UNC5B: variants seen among roughly 807,000 people sequenced by gnomAD.
UNC5B encodes netrin receptor UNC5B.
Under a neutral mutation model 103.7 loss-of-function variants are expected in UNC5B, and 56 were observed. That is an observed-to-expected ratio of 0.54 (90% CI 0.44 to 0.67). The LOEUF is 0.67. Ranked by LOEUF, UNC5B falls within the 30% of genes least tolerant of loss-of-function variation. The pLI, the probability that UNC5B is intolerant of heterozygous loss-of-function variation, is 0.00. For synonymous variants in UNC5B, 577 were observed against 542.0 expected, an observed-to-expected ratio of 1.06 and a Z score of -0.90; for missense variants, 1,194 against 1,284.5, an observed-to-expected ratio of 0.93 and a Z score of 1.08.
chr10:71,261,723 G>C (rs1844419968), intron 1 of UNC5B, among the ~76,000 whole-genome samples: 1 of 152,210 alleles, frequency 6.6e-6, no homozygotes, highest in African/African-American at 2.4e-5. Context: ...CCCTGTGCAG[G>C]CCTGGCTGGA....
In UNC5B at chr10:71,212,882, G is replaced by C. The variant is rs1564700817; in HGVS notation, c.-104G>C. ...ACGGGCTGGCGCTGCCGGGCGCCGG[G>C]GAGGACGGCGAGGAGGAGGCGGCGG... On this transcript the variant is annotated 5_prime_UTR_variant, in exon 1 of 17. Transcript: ENST00000335350. The C allele has an allele frequency of 2.1e-6, 2 of 970,120 alleles. No individual in the cohort carries two copies. The highest frequency in any genetic ancestry group is 2.7e-6 in the Non-Finnish European group (2 of 749,894). 60.1% of individuals were successfully genotyped at this position (970,120 alleles called of 1,614,324 possible). A position where few individuals can be genotyped will look rare whatever the true frequency, so the allele number is the denominator to read the frequency against.
chr10:71,254,399 G>A lies in UNC5B; in HGVS notation c.80-25422G>A, dbSNP rs545703518. Among the ~76,000 whole-genome samples the A allele has an allele frequency of 2.0e-4, 31 of 152,350 alleles. No homozygotes were observed. In the South Asian group the frequency reaches 6.2e-3, roughly 31 times the overall value. ...CATGGGTACCTGGCGTCCTGCTGTC[G>A]TGGGGGGCATAGGGCTGACAATGCC... On this transcript the variant is annotated intron_variant, in intron 1 of 16. Coordinates refer to ENST00000335350, the MANE Select transcript of UNC5B (RefSeq NM_170744.5).
chr10:71,297,957 G>T lies in UNC5B; in HGVS notation c.2539G>T (p.Val847Phe). ...DTLCSAPGSTVTTQLGPYAFK... is the reference protein window; with the variant it reads ...DTLCSAPGSTFTTQLGPYAFK... ...TCTCTGCTCTGCCCCTGGCAGCACT[G>T]TCACCACCCAGCTGGGACCTTATGC... is the stretch of plus-strand genomic sequence containing the variant. The change falls in exon 16 of 17, where the codon GTC becomes TTC. Residue 847 changes from valine (V) to phenylalanine (F), a missense_variant. By Grantham distance (50) the Val-to-Phe change is conservative (BLOSUM62 -1). Coordinates refer to ENST00000335350, the MANE Select transcript of UNC5B (RefSeq NM_170744.5). The T allele has an allele frequency of 6.2e-7, 1 of 1,613,888 alleles. No individual in the cohort carries two copies. Among genetic ancestry groups the T allele is most frequent in the Non-Finnish European group, 8.5e-7 (1 of 1,179,950 alleles).
At chr10:71,251,747 A>G (rs1844177863) in intron 1 of UNC5B, among the ~76,000 whole-genome samples, 2 of 152,356 alleles carry the variant, frequency 1.3e-5, no homozygotes, top group Middle Eastern at 6.8e-3. Context: ...GAATGAACCA[A>G]GATAATTCCT....
At chr10:71,284,541 A>G (rs753343526) in intron 2 of UNC5B, among the ~76,000 whole-genome samples, 179 bp from the exon 3 acceptor site, 3 of 152,208 alleles carry the variant, frequency 2.0e-5, no homozygotes, top group East Asian at 1.9e-4. Flanking sequence ...AGCCACTGCA[A>G]TGTGCAGGTG....
Position 71,299,784 on chromosome 10 carries a change from GGAAA to G in UNC5B, c.*517_*520del, listed in dbSNP as rs1845544254. ...TCCTGTCCAAAAGCAAAAAGGCAAA[GGAAA>G]GAAAGAAAGCTTCAGACCGCTAGTA... On this transcript the variant is annotated 3_prime_UTR_variant, in exon 17 of 17. Coordinates refer to ENST00000335350, the MANE Select transcript of UNC5B (RefSeq NM_170744.5). The G allele has an allele frequency of 2.6e-5, 4 of 152,516 alleles. No individual in the cohort carries two copies. Among genetic ancestry groups the G allele is most frequent in the South Asian group, 2.1e-4 (1 of 4,832 alleles). The allele number at this position is 152,516 out of a possible 1,614,324, so 9.4% of individuals were successfully genotyped here.
intron 1 of UNC5B, among the ~76,000 whole-genome samples, chr10:71,259,959 G>C (rs1844377261): frequency 6.6e-6 from 1 of 152,236 alleles, no homozygotes; most frequent in South Asian, 2.1e-4. Context: ...TGGGGACAGT[G>C]CCTGGAACAG....
chr10:71,226,501 C>A (rs140940436), intron 1 of UNC5B, among the ~76,000 whole-genome samples: 80 of 152,358 alleles, frequency 5.3e-4, no homozygotes, highest in Non-Finnish European at 1.0e-3. Context: ...TGATGTTTGC[C>A]AGGCAACTTC....
At chr10:71,257,294 C>T (rs1002266569) in intron 1 of UNC5B, among the ~76,000 whole-genome samples, 1 of 152,242 alleles carries the variant, frequency 6.6e-6, no homozygotes, top group African/African-American at 2.4e-5. Flanking sequence ...TAAATGGGAC[C>T]GTTATGCCTA....
Position 71,287,684 on chromosome 10 carries a change from A to C in UNC5B, c.820A>C (p.Thr274Pro). ...RGWQKRTRTC[T>P]NPAPLNGGAF... is the part of the protein sequence containing the mutation. ...CTGGCAGAAGCGCACCCGGACCTGCACCAACCCCGCTCCACTCAACGGAGG... is the reference window on the plus strand; with the variant it reads ...CTGGCAGAAGCGCACCCGGACCTGCCCCAACCCCGCTCCACTCAACGGAGG... The change falls in exon 6 of 17, where the codon ACC (threonine) becomes CCC (proline). Residue 274 changes from threonine (T) to proline (P), a missense_variant. Transcript: ENST00000335350. The C allele has an allele frequency of 6.2e-7, 1 of 1,613,242 alleles. No homozygotes were observed. Among genetic ancestry groups the C allele is most frequent in the Non-Finnish European group, 8.5e-7 (1 of 1,179,636 alleles).
At chr10:71,291,404 G>T (rs568570998) in intron 9 of UNC5B, 28 bp from the exon 10 acceptor site, 4 of 1,561,004 alleles carry the variant, frequency 2.6e-6, no homozygotes, top group Admixed American at 1.8e-5. Flanking sequence ...GGCACAGCTG[G>T]GTCTGACTAT....
chr10:71,291,943 G>C, intron 10 of UNC5B, 122 bp downstream of exon 10: 1 of 1,377,210 alleles, frequency 7.3e-7, no homozygotes, highest in Non-Finnish European at 9.6e-7. Context: ...GGGAAAGGGA[G>C]GCCTGAAGGC....
At chr10:71,230,268 G>A (rs1253953643) in intron 1 of UNC5B, among the ~76,000 whole-genome samples, 4 of 152,102 alleles carry the variant, frequency 2.6e-5, no homozygotes, top group Non-Finnish European at 4.4e-5. Context: ...GAGGGGTGCA[G>A]GCCTGTTTGG....
intron 7 of UNC5B, 33 bp downstream of exon 7, chr10:71,288,765 G>A (rs1423802935): frequency 6.3e-7 from 1 of 1,575,166 alleles, no homozygotes; most frequent in African/African-American, 1.3e-5. Flanking sequence ...CCCTGGGGGT[G>A]GGGACTCTGG....
rs1326993435 is a variant in UNC5B at position 71,300,045 on chromosome 10, G to GTGTA, written c.*771_*772insATGT. On this transcript the variant is annotated 3_prime_UTR_variant, in exon 17 of 17. Coordinates refer to ENST00000335350, the MANE Select transcript of UNC5B (RefSeq NM_170744.5). The stretch of plus-strand genomic sequence containing the variant: ...TGAATGTGCCTGTGTGTGTGTGTGT[G>GTGTA]TGTGTGTGTGTGTGTGTACATGTAC... The GTGTA allele has an allele frequency of 2.6e-5, 4 of 152,108 alleles. No individual in the cohort carries two copies. The highest frequency in any genetic ancestry group is 9.7e-5 in the African/African-American group (4 of 41,324). The allele number at this position is 152,108 out of a possible 1,614,324, so 9.4% of individuals were successfully genotyped here.
In UNC5B at chr10:71,213,728, A is replaced by AGAGTGT. The variant is rs144371231; in HGVS notation, c.79+665_79+666insAGTGTG. 1.5e-5 allele frequency among the ~76,000 whole-genome samples: 2 copies of AGAGTGT among 131,474 alleles called. No homozygotes were observed. The highest frequency in any genetic ancestry group is 2.2e-4 in the East Asian group (1 of 4,490). The allele number at this position is 131,474 out of a possible 152,430, so 86.3% of individuals were successfully genotyped here. On this transcript the variant is annotated intron_variant, in intron 1 of 16. Transcript: ENST00000335350. This position sits in a 1 kb window ranked among gnomAD's most constrained non-coding sequence, Gnocchi z 4.1. ...ATTATTAATTTTCTGAGTGTTGGAG[A>AGAGTGT]GTGTGTGTGTGTGTGTGTGTGTGTG...
rs144371231 is a variant in UNC5B, at chr10:71,213,728, A to AGAGTGTGTGTGTGT, written c.79+665_79+666insAGTGTGTGTGTGTG. On this transcript the variant is annotated intron_variant, in intron 1 of 16. Transcript: ENST00000335350. This position sits in a 1 kb window ranked among gnomAD's most constrained non-coding sequence, Gnocchi z 4.1. ...ATTATTAATTTTCTGAGTGTTGGAG[A>AGAGTGTGTGTGTGT]GTGTGTGTGTGTGTGTGTGTGTGTG... Among the ~76,000 whole-genome samples the AGAGTGTGTGTGTGT allele has an allele frequency of 1.4e-4, 18 of 131,474 alleles. No homozygotes were observed. The highest frequency in any genetic ancestry group is 4.4e-4 in the African/African-American group (15 of 34,208). 86.3% of individuals were successfully genotyped at this position (131,474 alleles called of 152,430 possible). A position where few individuals can be genotyped will look rare whatever the true frequency, so the allele number is the denominator to read the frequency against.
At chr10:71,249,362 C>G (rs1274109414) in intron 1 of UNC5B, among the ~76,000 whole-genome samples, 3 of 152,230 alleles carry the variant, frequency 2.0e-5, no homozygotes, top group African/African-American at 7.2e-5. Flanking sequence ...CTGGCTGCCC[C>G]TCAAAACTTG....
At chr10:71,289,840 TG>T (rs61370872) in intron 8 of UNC5B, among the ~76,000 whole-genome samples, 1 of 152,302 alleles carries the variant, frequency 6.6e-6, no homozygotes, top group East Asian at 1.9e-4. Context: ...AAGTCGGAAG[TG>T]GGCAGACATC....
Sources: gnomAD v4.1 joint callset for allele counts (sites outside exome capture counted in the v4.1 genomes callset) on GRCh38, gnomAD v4.1.1 for gene constraint, Gnocchi (gnomAD v3.1) non-coding constraint, MANE v1.5 for transcripts, NCBI Gene and HGNC (gene_info 2026-07-23, HGNC 2026-07-21) for gene names.